Variants in ZNF469 observed in about 807,000 individuals in gnomAD.
ZNF469 encodes the protein zinc finger protein 469.
A neutral mutation model predicts 1.0 loss-of-function variants in ZNF469; 1 was observed. That is an observed-to-expected ratio of 1.00 (90% CI 0.35 to 4.73). ZNF469 has a LOEUF of 4.73. Ranked by LOEUF, ZNF469 falls within the 30% of genes most tolerant of loss-of-function variation. The probability of loss-of-function intolerance (pLI) is 0.16; values close to 1 mark genes in which losing one functional copy is unlikely to be tolerated. For missense variants in ZNF469, 6,100 were observed against 5,356.3 expected (o/e 1.14, Z -4.33); for synonymous variants, 2,703 against 2,363.4 (o/e 1.14, Z -4.17).
At chr16:88,380,186 C>T (rs1171093572), upstream of ZNF469, among the ~76,000 whole-genome samples, 12 of 151,124 alleles carry the variant, frequency 7.9e-5, no homozygotes, top group African/African-American at 2.7e-4. Flanking sequence ...CACACAAATG[C>T]ACTCACACAC....
At chr16:88,146,191 A>AC in the ZNF469 span, among the ~76,000 whole-genome samples, 437 of 152,184 alleles carry the variant, frequency 2.9e-3, 2 homozygotes, top group African/African-American at 9.2e-3. Context: ...CGGCACCACG[A>AC]CCCACCCGGG....
At chr16:88,274,155 C>G in the ZNF469 span, among the ~76,000 whole-genome samples, 2 of 152,178 alleles carry the variant, frequency 1.3e-5, no homozygotes, top group South Asian at 2.1e-4. Context: ...ACTGCATGGA[C>G]GGACCCTGAG....
the ZNF469 span, among the ~76,000 whole-genome samples, chr16:88,273,627 A>G: frequency 6.6e-6 from 1 of 152,236 alleles, no homozygotes; most frequent in Admixed American, 6.5e-5. Context: ...TATCTGCTTT[A>G]TGATTCAGCC....
chr16:88,187,504 G>A, the ZNF469 span, among the ~76,000 whole-genome samples: 21 of 152,390 alleles, frequency 1.4e-4, no homozygotes, highest in Middle Eastern at 6.8e-3. Context: ...CAGTAGGACA[G>A]GGAGGCCCCT....
chr16:88,236,277 A>C, the ZNF469 span, among the ~76,000 whole-genome samples: 1 of 152,230 alleles, frequency 6.6e-6, no homozygotes, highest in Non-Finnish European at 1.5e-5. Context: ...GGGGCCGTTT[A>C]AAATTATGTC....
At chr16:88,174,084 A>T in the ZNF469 span, among the ~76,000 whole-genome samples, 1 of 152,188 alleles carries the variant, frequency 6.6e-6, no homozygotes, top group Non-Finnish European at 1.5e-5. Context: ...AGACCGAAGT[A>T]TATGTTGCCT....
At chr16:88,239,112 A>G in the ZNF469 span, among the ~76,000 whole-genome samples, 1 of 152,062 alleles carries the variant, frequency 6.6e-6, no homozygotes, top group Non-Finnish European at 1.5e-5. Flanking sequence ...GTCTGGGTCT[A>G]GCTCTGTGTA....
At chr16:88,200,900 C>T in the ZNF469 span, among the ~76,000 whole-genome samples, 3 of 152,262 alleles carry the variant, frequency 2.0e-5, no homozygotes, top group East Asian at 1.9e-4. Flanking sequence ...CGGCTGCTCC[C>T]GCCACAGGAG....
chr16:88,191,481 C>G, the ZNF469 span: 5 of 152,236 alleles, frequency 3.3e-5, no homozygotes, highest in African/African-American at 1.2e-4. Flanking sequence ...ACGATGAGCT[C>G]GGAAAACATT....
chr16:88,361,460 G>T, the ZNF469 span, among the ~76,000 whole-genome samples: 5 of 152,176 alleles, frequency 3.3e-5, no homozygotes, highest in African/African-American at 1.2e-4. Context: ...GAGAAACTTC[G>T]CATTTCCCAG....
the ZNF469 span, among the ~76,000 whole-genome samples, chr16:88,204,251 C>T: frequency 0.033 from 5,029 of 150,136 alleles, 229 homozygotes; most frequent in East Asian, 0.18. Context: ...CAGCGGGAGG[C>T]GCACCATAAC....
chr16:88,113,687 T>C, the ZNF469 span, among the ~76,000 whole-genome samples: 1 of 152,200 alleles, frequency 6.6e-6, no homozygotes, highest in Admixed American at 6.5e-5. Flanking sequence ...TGGCCTGTCT[T>C]AAACGGGTAA....
chr16:88,159,379 T>A, the ZNF469 span, among the ~76,000 whole-genome samples: 2 of 152,040 alleles, frequency 1.3e-5, no homozygotes, highest in African/African-American at 4.8e-5. Context: ...AGAGGAGCCG[T>A]CTCTACCGTG....
At chr16:88,305,065 C>T in the ZNF469 span, among the ~76,000 whole-genome samples, 1 of 152,174 alleles carries the variant, frequency 6.6e-6, no homozygotes, top group African/African-American at 2.4e-5. Flanking sequence ...GCATCTGACA[C>T]CCACACAGAG....
At chr16:88,379,189 C>G (rs1212367525), upstream of ZNF469, among the ~76,000 whole-genome samples, 10 of 152,178 alleles carry the variant, frequency 6.6e-5, no homozygotes, top group African/African-American at 2.4e-4. Context: ...AAACCTCGCC[C>G]CCCGAGGTTG....
chr16:88,239,667 GTATATATATATATATA>G, the ZNF469 span, among the ~76,000 whole-genome samples: 20 of 28,214 alleles, frequency 7.1e-4, no homozygotes, highest in Non-Finnish European at 1.1e-3. Context: ...TTTTTTTTTT[GTATATATATATATATA>G]TATATATATA....
At chr16:88,422,446 GGATGGATGGGTGGATGGGT>G (rs1905501404) in intron 1 of ZNF469, among the ~76,000 whole-genome samples, 1 of 147,362 alleles carries the variant, frequency 6.8e-6, no homozygotes, top group Admixed American at 6.7e-5. Context: ...GTGGGTGGGT[GGATGGATGGGTGGATGGGT>G]GATGGATGGA....
At chr16:88,207,994 A>G in the ZNF469 span, among the ~76,000 whole-genome samples, 1 of 152,334 alleles carries the variant, frequency 6.6e-6, no homozygotes, top group South Asian at 2.1e-4. Flanking sequence ...TGCCTTTGGA[A>G]TGTATAAATG....
rs1206160380 is a variant in ZNF469 at position 88,437,821 on chromosome 16, C to T, written c.10351C>T (p.Arg3451Cys). 8 of 1,542,624 alleles carry T rather than the reference C, an allele frequency of 5.2e-6. No individual in the cohort carries two copies. Among genetic ancestry groups the T allele is most frequent in the East Asian group, 2.5e-5 (1 of 40,642 alleles). ...LRGGRQPFAF[R>C]GVRRPGAPGQ... is the part of the protein sequence containing the mutation. ...GGGGGGGCGGCAGCCCTTCGCGTTC[C>T]GCGGCGTGCGGAGGCCGGGAGCGCC... The change falls in exon 3 of 3, where the codon CGC (arginine) becomes TGC (cysteine). Residue 3451 changes from arginine (R) to cysteine (C), a missense_variant. Coordinates refer to ENST00000565624, the MANE Select transcript of ZNF469 (RefSeq NM_001367624.2).
Sources: gnomAD v4.1 joint callset for allele counts (sites outside exome capture counted in the v4.1 genomes callset) on GRCh38, gnomAD v4.1.1 for gene constraint, MANE v1.5 for transcripts, NCBI Gene and HGNC (gene_info 2026-07-23, HGNC 2026-07-21) for gene names.